The following DAAM1 variants were observed in gnomAD, a reference collection of about 807,000 sequenced individuals.
DAAM1 encodes the protein disheveled-associated activator of morphogenesis 1.
DAAM1 carries 52 observed loss-of-function variants against 130.0 expected under a neutral mutation model. The observed-to-expected ratio is 0.40, with a 90% CI of 0.32 to 0.50. The LOEUF (loss-of-function observed/expected upper bound fraction) is 0.50. Ranked by LOEUF, DAAM1 falls within the 20% of genes least tolerant of loss-of-function variation. The probability of loss-of-function intolerance (pLI) is 0.61; values close to 1 mark genes in which losing one functional copy is unlikely to be tolerated. For missense variants in DAAM1, 1,134 were observed against 1,303.8 expected, an observed-to-expected ratio of 0.87 and a Z score of 2.01; for synonymous variants, 452 against 444.5, an observed-to-expected ratio of 1.02 and a Z score of -0.21.
intron 1 of DAAM1, among the ~76,000 whole-genome samples, chr14:59,253,904 G>A (rs965032131): frequency 2.0e-5 from 3 of 152,188 alleles, no homozygotes; most frequent in Non-Finnish European, 4.4e-5. Flanking sequence ...CATAATTGTT[G>A]AAATTAAGTA....
At chr14:59,223,268 A>T (rs1372126076) in intron 1 of DAAM1, among the ~76,000 whole-genome samples, 4 of 152,226 alleles carry the variant, frequency 2.6e-5, no homozygotes, top group Non-Finnish European at 5.9e-5. Context: ...GCTGCTGTGC[A>T]TGCCCAGCTT....
At chr14:59,189,911 C>T (rs1887677826) in intron 1 of DAAM1, among the ~76,000 whole-genome samples, 1 of 152,192 alleles carries the variant, frequency 6.6e-6, no homozygotes. Flanking sequence ...TCTCCTTCAT[C>T]TCCACTTTCT....
At chr14:59,214,642 GT>G (rs2139416961) in intron 1 of DAAM1, among the ~76,000 whole-genome samples, 1 of 152,226 alleles carries the variant, frequency 6.6e-6, no homozygotes, top group East Asian at 1.9e-4. Context: ...CTAGTTTAAT[GT>G]TTTCCAAAGG....
At chr14:59,226,919 CA>C in intron 1 of DAAM1, among the ~76,000 whole-genome samples, 1 of 152,278 alleles carries the variant, frequency 6.6e-6, no homozygotes, top group Non-Finnish European at 1.5e-5. Flanking sequence ...ACTCCAGTCA[CA>C]TGAAGTGCAG....
Position 59,282,117 on chromosome 14 carries a change from C to T in DAAM1, c.184-9100C>T, listed in dbSNP as rs143255330. Among the ~76,000 whole-genome samples, 519 of 152,260 alleles carry T rather than the reference C, an allele frequency of 3.4e-3. 3 individuals are homozygous for T. Among genetic ancestry groups the T allele is most frequent in the African/African-American group, 0.011 (462 of 41,562 alleles). Reference sequence around the variant, plus strand: ...GTATATTTCCTGGGGAAAGCCTTCACTGTCCCACCTTTCCCCATAACAAGT... The same window carrying T: ...GTATATTTCCTGGGGAAAGCCTTCATTGTCCCACCTTTCCCCATAACAAGT... On this transcript the variant is annotated intron_variant, in intron 2 of 24. Transcript: ENST00000360909.
At chr14:59,325,233 G>GGT (rs1211233695) in intron 8 of DAAM1, among the ~76,000 whole-genome samples, 1 of 151,968 alleles carries the variant, frequency 6.6e-6, no homozygotes, top group African/African-American at 2.4e-5. Context: ...ATGTATCCTG[G>GGT]GTGTGTAGAA....
chr14:59,341,415 A>G (rs185977126), intron 16 of DAAM1, among the ~76,000 whole-genome samples: 21 of 152,302 alleles, frequency 1.4e-4, no homozygotes, highest in Non-Finnish European at 2.5e-4. Flanking sequence ...CCCCTTATCC[A>G]CAGTTTCACT....
At chr14:59,192,883 C>G (rs2139378326) in intron 1 of DAAM1, among the ~76,000 whole-genome samples, 1 of 152,316 alleles carries the variant, frequency 6.6e-6, no homozygotes, top group Admixed American at 6.5e-5. Context: ...GAAACCCCGT[C>G]TCTACTAAAA....
intron 1 of DAAM1, among the ~76,000 whole-genome samples, chr14:59,233,148 A>C (rs987978658): frequency 6.6e-6 from 1 of 152,218 alleles, no homozygotes; most frequent in Non-Finnish European, 1.5e-5. Context: ...CTTTGGGTAT[A>C]TACCCATTAA....
intron 3 of DAAM1, among the ~76,000 whole-genome samples, chr14:59,307,552 A>G (rs1000630315): frequency 5.3e-5 from 8 of 152,202 alleles, no homozygotes; most frequent in Non-Finnish European, 8.8e-5. Flanking sequence ...CTTCAAGTAT[A>G]TTTTATTTTT....
rs144719504 is a variant in DAAM1 at position 59,316,128 on chromosome 14, A to G, written c.345+777A>G. Among the ~76,000 whole-genome samples, 341 of 152,292 alleles carry G rather than the reference A, an allele frequency of 2.2e-3. 1 individual carries two copies. The highest frequency in any genetic ancestry group is 7.7e-3 in the African/African-American group (319 of 41,562). On this transcript the variant is annotated intron_variant, in intron 4 of 24. Coordinates refer to ENST00000360909, the MANE Select transcript of DAAM1 (RefSeq NM_001270520.2). ...TTGATAAGAATTAGAGGTTGCCCAT[A>G]GTAGAATGCAGTCTTTGTCTCAGTG...
At chr14:59,363,378 G>C (rs984771203) in intron 22 of DAAM1, 3 of 279,074 alleles carry the variant, frequency 1.1e-5, no homozygotes, top group African/African-American at 6.7e-5. Flanking sequence ...AAATCTGCTT[G>C]CTTTCTAAAG....
intron 2 of DAAM1, among the ~76,000 whole-genome samples, chr14:59,273,670 A>G (rs148139336): frequency 6.5e-4 from 99 of 152,318 alleles, no homozygotes; most frequent in African/African-American, 2.2e-3. Flanking sequence ...CCCATTCTCT[A>G]TGTGTCCTCA....
chr14:59,192,509 A>T (rs1887764007), intron 1 of DAAM1, among the ~76,000 whole-genome samples: 1 of 152,150 alleles, frequency 6.6e-6, no homozygotes, highest in African/African-American at 2.4e-5. Context: ...TGGTATTTCC[A>T]GTGTTAAGTC....
At chr14:59,237,853 G>A (rs1191680073) in intron 1 of DAAM1, among the ~76,000 whole-genome samples, 1 of 152,144 alleles carries the variant, frequency 6.6e-6, no homozygotes, top group African/African-American at 2.4e-5. Flanking sequence ...CATATTTTTA[G>A]ATGATATATT....
At chr14:59,282,789 A>G (rs1247540563) in intron 2 of DAAM1, among the ~76,000 whole-genome samples, 8 of 152,208 alleles carry the variant, frequency 5.3e-5, no homozygotes, top group Admixed American at 5.2e-4. Context: ...ATATTCATCA[A>G]TATAAAACAC....
intron 1 of DAAM1, among the ~76,000 whole-genome samples, chr14:59,193,883 A>C (rs569900945): frequency 2.5e-4 from 38 of 152,266 alleles, no homozygotes; most frequent in African/African-American, 8.9e-4. Context: ...TGACCACACA[A>C]CACTTACAGC....
intron 3 of DAAM1, chr14:59,299,831 T>G (rs1474560128): frequency 1.3e-5 from 2 of 152,118 alleles, no homozygotes; most frequent in African/African-American, 4.8e-5. Flanking sequence ...CCTTAATTTA[T>G]ATTTGGGAAG....
chr14:59,326,387 T>G, intron 10 of DAAM1, 123 bp from the exon 11 acceptor site: 2 of 948,078 alleles, frequency 2.1e-6, no homozygotes, highest in Non-Finnish European at 1.5e-6. Flanking sequence ...TTGGGAAGCA[T>G]TGGTGCAGAT....
Sources: allele counts gnomAD v4.1 joint callset (sites outside exome capture counted in the v4.1 genomes callset), GRCh38; gene constraint gnomAD v4.1.1; transcripts MANE v1.5; gene names NCBI Gene and HGNC (gene_info 2026-07-23, HGNC 2026-07-21).